Variants in SNTA1 observed in about 807,000 individuals in gnomAD.
The protein encoded by SNTA1 is syntrophin alpha 1.
SNTA1 carries 31 observed loss-of-function variants against 47.1 expected under a neutral mutation model. That is an observed-to-expected ratio of 0.66 (90% CI 0.49 to 0.89). The LOEUF (loss-of-function observed/expected upper bound fraction) is 0.89. SNTA1 is among the 40% of genes least tolerant of loss of function. The pLI is 0.00. For synonymous variants in SNTA1, 300 were observed against 313.6 expected (o/e 0.96, Z 0.46); for missense variants, 575 against 693.0 (o/e 0.83, Z 1.91).
chr20:33,410,388 C>T (rs1989712892), intron 5 of SNTA1, 57 bp from the exon 6 acceptor site: 4 of 1,192,456 alleles, frequency 3.4e-6, no homozygotes, highest in Non-Finnish European at 4.9e-6. Context: ...GCAAATAGTT[C>T]TGGGCAAAGG....
intron 6 of SNTA1, among the ~76,000 whole-genome samples, chr20:33,409,644 T>A (rs148933836): frequency 0.013 from 1,982 of 151,674 alleles, 37 homozygotes; most frequent in African/African-American, 0.035. Context: ...TATTATTATT[T>A]TTTTTTTTTG....
At chr20:33,412,479 G>T in intron 4 of SNTA1, 53 bp from the exon 5 acceptor site, 1 of 1,606,836 alleles carries the variant, frequency 6.2e-7, no homozygotes, top group Non-Finnish European at 8.5e-7. Context: ...AGGGCAGAGG[G>T]CCAGGGCAGG....
At chr20:33,427,164 G>GAACA (rs1990189087) in intron 2 of SNTA1, among the ~76,000 whole-genome samples, 1 of 152,128 alleles carries the variant, frequency 6.6e-6, no homozygotes, top group Non-Finnish European at 1.5e-5. Context: ...AGGGCTGTCT[G>GAACA]GAGATAGCAG....
chr20:33,438,813 C>G, intron 2 of SNTA1, 28 bp downstream of exon 2: 1 of 1,603,728 alleles, frequency 6.2e-7, no homozygotes, highest in Non-Finnish European at 8.5e-7. Flanking sequence ...CACCCAGCCC[C>G]TCTGAACCCT....
At chr20:33,442,459 T>G (rs183970265) in intron 1 of SNTA1, among the ~76,000 whole-genome samples, 2 of 152,292 alleles carry the variant, frequency 1.3e-5, no homozygotes, top group Admixed American at 6.5e-5. Context: ...TTTAGTTGCT[T>G]TGGGAGTATC....
chr20:33,424,989 G>A (rs915165494), intron 2 of SNTA1, among the ~76,000 whole-genome samples: 2 of 151,842 alleles, frequency 1.3e-5, no homozygotes, highest in Non-Finnish European at 1.5e-5. Flanking sequence ...GGTGGCACAC[G>A]CCTGTAGTCC....
chr20:33,438,887 C>T lies in SNTA1; in HGVS notation c.450G>A (p.Glu150=), dbSNP rs1450714192. ...GEDLSSATHD[E]AVQVLKKTGK... is the part of the protein sequence containing the mutation. Reference sequence around the variant, plus strand: ...CTGTCTTCTTGAGGACCTGCACCGCCTCATCATGGGTAGCAGAGGACAAGT... The same window carrying T: ...CTGTCTTCTTGAGGACCTGCACCGCTTCATCATGGGTAGCAGAGGACAAGT... Residue 150 remains glutamate (E), a synonymous_variant, in exon 2 of 8, where the codon GAG becomes GAA. Transcript: ENST00000217381. The T allele has an allele frequency of 1.2e-6, 2 of 1,614,178 alleles. No individual in the cohort carries two copies. The highest frequency in any genetic ancestry group is 1.7e-6 in the Non-Finnish European group (2 of 1,180,026).
intron 2 of SNTA1, among the ~76,000 whole-genome samples, chr20:33,424,823 T>G (rs1202181739): frequency 6.7e-6 from 1 of 149,756 alleles, no homozygotes; most frequent in East Asian, 2.1e-4. Flanking sequence ...TACAAAAAAT[T>G]TTTAAAAACT....
At chr20:33,415,199 GCT>G (rs2146768196) in intron 3 of SNTA1, among the ~76,000 whole-genome samples, 1 of 152,290 alleles carries the variant, frequency 6.6e-6, no homozygotes, top group Non-Finnish European at 1.5e-5. Context: ...ACATGCAAAT[GCT>G]CTCATATATA....
intron 2 of SNTA1, among the ~76,000 whole-genome samples, chr20:33,425,540 T>C (rs576987628): frequency 6.6e-6 from 1 of 152,226 alleles, no homozygotes; most frequent in African/African-American, 2.4e-5. Context: ...TGTGCAGCTA[T>C]AGTCCTACCT....
chr20:33,419,586 GGACT>G (rs1204320506), intron 2 of SNTA1, among the ~76,000 whole-genome samples: 4 of 152,258 alleles, frequency 2.6e-5, no homozygotes, highest in East Asian at 1.9e-4. Context: ...ACTTACCCCA[GGACT>G]GACTATTGGA....
At chr20:33,412,012 T>C (rs2146761301) in intron 5 of SNTA1, among the ~76,000 whole-genome samples, 1 of 152,342 alleles carries the variant, frequency 6.6e-6, no homozygotes, top group South Asian at 2.1e-4. Context: ...CAAGGTTCTC[T>C]CTGGAGGCAG....
Position 33,443,425 on chromosome 20 carries a change from C to G in SNTA1, c.196G>C (p.Gly66Arg), listed in dbSNP as rs1014735571. ...PREQEPAQLN[G>R]AAEPGAGPPQ... ...GGCCCGGCGCCCGGCTCCGCGGCGC[C>G]GTTGAGCTGCGCGGGCTCCTGCTCC... Residue 66 changes from glycine to arginine, a missense_variant, in exon 1 of 8, where the codon GGC becomes CGC. By Grantham distance (125) the Gly-to-Arg change is moderately radical. Coordinates refer to ENST00000217381, the MANE Select transcript of SNTA1 (RefSeq NM_003098.3). 2 of 1,339,502 alleles carry G rather than the reference C, an allele frequency of 1.5e-6. No individual in the cohort carries two copies. Among genetic ancestry groups the G allele is most frequent in the Non-Finnish European group, 1.9e-6 (2 of 1,051,448 alleles). 83.0% of individuals were successfully genotyped at this position (1,339,502 alleles called of 1,614,324 possible).
chr20:33,442,975 C>T (rs1990613485), intron 1 of SNTA1, among the ~76,000 whole-genome samples: 1 of 152,026 alleles, frequency 6.6e-6, no homozygotes, highest in African/African-American at 2.4e-5. Flanking sequence ...CCCCTTTCTC[C>T]ACACTCTGCT....
At chr20:33,410,726 T>C (rs892201441) in intron 5 of SNTA1, among the ~76,000 whole-genome samples, 9 of 152,232 alleles carry the variant, frequency 5.9e-5, no homozygotes, top group Non-Finnish European at 1.0e-4. Context: ...TGTCACTCAC[T>C]AGCCTTACTT....
At chr20:33,425,365 A>G (rs1990144203) in intron 2 of SNTA1, among the ~76,000 whole-genome samples, 1 of 152,200 alleles carries the variant, frequency 6.6e-6, no homozygotes. Context: ...AAAAACATTG[A>G]AAGTGGGTCT....
intron 3 of SNTA1, among the ~76,000 whole-genome samples, chr20:33,414,908 T>C (rs1177476197): frequency 6.6e-6 from 1 of 152,210 alleles, no homozygotes; most frequent in Non-Finnish European, 1.5e-5. Flanking sequence ...TAACCCCTTT[T>C]ATTTAAGTCA....
At chr20:33,421,512 T>C (rs1458241192) in intron 2 of SNTA1, among the ~76,000 whole-genome samples, 1 of 152,038 alleles carries the variant, frequency 6.6e-6, no homozygotes, top group Non-Finnish European at 1.5e-5. Flanking sequence ...CTCAGGAGGC[T>C]GAGGCAGGAG....
At chr20:33,429,502 C>T (rs143218156) in intron 2 of SNTA1, among the ~76,000 whole-genome samples, 2 of 151,362 alleles carry the variant, frequency 1.3e-5, no homozygotes, top group African/African-American at 2.4e-5. Context: ...TGTTGGTGCG[C>T]GCCTGTAATC....
Sources: allele counts gnomAD v4.1 joint callset (sites outside exome capture counted in the v4.1 genomes callset), GRCh38; gene constraint gnomAD v4.1.1; transcripts MANE v1.5; gene names NCBI Gene and HGNC (gene_info 2026-07-23, HGNC 2026-07-21).